Variants in KATNAL2 observed in about 807,000 individuals in gnomAD.
The protein encoded by KATNAL2 is katanin p60 ATPase-containing subunit A-like 2.
In KATNAL2, 52 loss-of-function variants were observed where a neutral mutation model predicts 76.3. The observed-to-expected ratio is 0.68, with a 90% CI of 0.55 to 0.86. KATNAL2 has a LOEUF of 0.86. Ranked by LOEUF, KATNAL2 falls within the 40% of genes least tolerant of loss-of-function variation. The pLI, the probability that KATNAL2 is intolerant of heterozygous loss-of-function variation, is 0.00. For missense variants in KATNAL2, 660 were observed against 668.9 expected, an observed-to-expected ratio of 0.99 and a Z score of 0.15; for synonymous variants, 243 against 244.2, an observed-to-expected ratio of 1.00 and a Z score of 0.05.
intron 3 of KATNAL2, chr18:47,034,126 G>C (rs780719198): frequency 1.2e-6 from 2 of 1,614,102 alleles, no homozygotes; most frequent in Non-Finnish European, 1.7e-6. Context: ...ACATGACAGA[G>C]TGGGCTGCTC....
At chr18:46,946,813 C>G in intron 2 of KATNAL2, 41 bp from the exon 3 acceptor site, 1 of 1,504,456 alleles carries the variant, frequency 6.6e-7, no homozygotes, top group South Asian at 1.2e-5. Flanking sequence ...CTTGGATCGA[C>G]CGGTCAGCCC....
chr18:46,927,559 T>C lies in KATNAL2; in HGVS notation c.-510+9633T>C, dbSNP rs550587524. Among the ~76,000 whole-genome samples, 18 of 152,260 alleles carry C rather than the reference T, an allele frequency of 1.2e-4. 1 individual carries two copies. Among genetic ancestry groups the C allele is most frequent in the African/African-American group, 4.3e-4 (18 of 41,546 alleles). ...AACTTTGGTGAATCTGACAATTATG[T>C]GTCTTGGAATTGCTCTTCTCGAGGA... On this transcript the variant is annotated intron_variant, in intron 1 of 17. Transcript: ENST00000683218.
chr18:47,031,343 G>A (rs964888373), intron 3 of KATNAL2, among the ~76,000 whole-genome samples: 1 of 151,968 alleles, frequency 6.6e-6, no homozygotes, highest in Non-Finnish European at 1.5e-5. Flanking sequence ...GTATGTTTTC[G>A]GCTTTTGTTT....
chr18:47,038,539 T>C (rs1486285415), intron 3 of KATNAL2, among the ~76,000 whole-genome samples: 1 of 152,154 alleles, frequency 6.6e-6, no homozygotes, highest in African/African-American at 2.4e-5. Flanking sequence ...AATTGCTGAG[T>C]GATATTGCTG....
intron 13 of KATNAL2, among the ~76,000 whole-genome samples, chr18:47,073,549 A>G (rs914349528): frequency 2.0e-5 from 3 of 152,312 alleles, no homozygotes; most frequent in Middle Eastern, 6.8e-3. Flanking sequence ...CAAACCCTTC[A>G]GGACCTTCCC....
At chr18:47,035,760 T>C in intron 3 of KATNAL2, 1 of 191,460 alleles carries the variant, frequency 5.2e-6, no homozygotes, top group Non-Finnish European at 1.1e-5. Context: ...CCCACTGAGT[T>C]TTACCGTTGA....
At chr18:47,095,103 GCTTCCC>G (rs2063172598) in intron 15 of KATNAL2, among the ~76,000 whole-genome samples, 1 of 152,056 alleles carries the variant, frequency 6.6e-6, no homozygotes, top group African/African-American at 2.4e-5. Flanking sequence ...TCATTATTAT[GCTTCCC>G]AGCTTTCAAA....
intron 17 of KATNAL2, 140 bp downstream of exon 17, chr18:47,100,496 C>A: frequency 1.5e-6 from 1 of 670,224 alleles, no homozygotes; most frequent in Non-Finnish European, 2.6e-6. Context: ...CCTCACTCAA[C>A]TCATTCCTCC....
chr18:47,093,451 A>T, intron 15 of KATNAL2, among the ~76,000 whole-genome samples: 1 of 138,314 alleles, frequency 7.2e-6, no homozygotes. Flanking sequence ...CTCCTGTAAT[A>T]ATGTTCTCAT....
At chr18:47,062,426 A>G (rs1216378173) in intron 8 of KATNAL2, among the ~76,000 whole-genome samples, 1 of 152,114 alleles carries the variant, frequency 6.6e-6, no homozygotes, top group Non-Finnish European at 1.5e-5. Context: ...GGATATGGAG[A>G]AAAGGGAACT....
chr18:46,921,197 G>C, intron 1 of KATNAL2, among the ~76,000 whole-genome samples: 1 of 152,020 alleles, frequency 6.6e-6, no homozygotes, highest in East Asian at 1.9e-4. Flanking sequence ...GCACGATCTC[G>C]GCTCACTGCA....
At position 47,077,274 on chromosome 18, in the gene KATNAL2, C is replaced by T. The variant is rs949137658; in HGVS notation, c.1101-77C>T. On this transcript the variant is annotated intron_variant, in intron 14 of 17. Coordinates refer to ENST00000683218, the MANE Select transcript of KATNAL2 (RefSeq NM_001387690.1). The stretch of plus-strand genomic sequence containing the variant: ...AGAAACTGTTCTACAGTCACAGGGA[C>T]ATTGCTGTGAATGCTGCTCTTGTCA... The T allele has an allele frequency of 5.7e-6, 6 of 1,059,202 alleles. No homozygotes were observed. The African/African-American group carries it at 7.8e-5, about 14-fold the overall frequency. The allele number at this position is 1,059,202 out of a possible 1,614,324, so 65.6% of individuals were successfully genotyped here.
rs780655643 is a variant in KATNAL2, at chr18:47,069,507, A to C, written c.915A>C (p.Lys305Asn). 6.2e-6 allele frequency: 10 copies of C among 1,613,798 alleles called. No individual in the cohort carries two copies. Among genetic ancestry groups the C allele is most frequent in the South Asian group, 3.3e-5 (3 of 91,040 alleles). ...PPGTGKTLLA[K>N]AVATECKTTF... is the part of the protein sequence containing the mutation. ...GTACAGGAAAGACTTTACTGGCCAA[A>C]GCTGTGGCCACTGAATGTAAAACAA... The change falls in exon 13 of 18, where the codon AAA (lysine) becomes AAC (asparagine). Residue 305 changes from lysine (K) to asparagine (N), a missense_variant. Lys to Asn is a moderately conservative substitution (Grantham distance 94, BLOSUM62 0). Transcript: ENST00000683218.
intron 13 of KATNAL2, among the ~76,000 whole-genome samples, chr18:47,071,953 C>CATTTTT (rs2062020246): frequency 2.3e-5 from 1 of 43,950 alleles, no homozygotes; most frequent in Non-Finnish European, 3.6e-5. Flanking sequence ...CCAATTTCTT[C>CATTTTT]TTTTTTTTTT....
At chr18:47,050,269 T>G (rs1158519376) in intron 4 of KATNAL2, among the ~76,000 whole-genome samples, 2 of 152,132 alleles carry the variant, frequency 1.3e-5, no homozygotes, top group Non-Finnish European at 2.9e-5. Context: ...AAGTTGACTC[T>G]TATAAAACTT....
chr18:46,957,249 C>CT (rs1223846865), intron 3 of KATNAL2, among the ~76,000 whole-genome samples: 2,581 of 73,860 alleles, frequency 0.035, 100 homozygotes, highest in African/African-American at 0.062. Context: ...TTGCCCTCTT[C>CT]TTTTTTTTTT....
intron 3 of KATNAL2, among the ~76,000 whole-genome samples, chr18:46,950,321 T>A (rs2059512785): frequency 6.6e-6 from 1 of 152,162 alleles, no homozygotes; most frequent in Non-Finnish European, 1.5e-5. Context: ...TGCAAGGAAT[T>A]GTGCTGAGTA....
In KATNAL2 at chr18:47,034,364, G is replaced by T. The variant is rs190820484; in HGVS notation, c.52-12093G>T. On this transcript the variant is annotated intron_variant, in intron 3 of 17. Coordinates refer to ENST00000683218, the MANE Select transcript of KATNAL2 (RefSeq NM_001387690.1). ...TGAGGCCTCTTCTGGTGACTGTCTG[G>T]AGCCTCCTCCAAGGCAGGGACACGC... 2.9e-4 allele frequency: 461 copies of T among 1,613,982 alleles called. 1 individual carries two copies. Among genetic ancestry groups the T allele is most frequent in the Admixed American group, 1.1e-3 (67 of 60,032 alleles).
intron 15 of KATNAL2, among the ~76,000 whole-genome samples, chr18:47,096,933 T>C (rs1029171490): frequency 5.3e-5 from 8 of 151,812 alleles, no homozygotes; most frequent in African/African-American, 1.9e-4. Flanking sequence ...AGCTCAGTAG[T>C]TCAAGACCAG....
Sources: allele counts gnomAD v4.1 joint callset (sites outside exome capture counted in the v4.1 genomes callset), GRCh38; gene constraint gnomAD v4.1.1; transcripts MANE v1.5; gene names NCBI Gene and HGNC (gene_info 2026-07-23, HGNC 2026-07-21).